Variants in RALGPS1 observed in about 807,000 individuals in gnomAD.
The protein encoded by RALGPS1 is ras-specific guanine nucleotide-releasing factor RalGPS1.
In RALGPS1, 19 loss-of-function variants were observed where a neutral mutation model predicts 78.8. The ratio of observed to expected loss-of-function variants is 0.24; its 90% CI spans 0.17 to 0.35. The LOEUF (loss-of-function observed/expected upper bound fraction) is 0.35. RALGPS1 is among the 10% of genes least tolerant of loss of function. The pLI is 1.00. For synonymous variants in RALGPS1, 228 were observed against 256.3 expected (o/e 0.89, Z 1.06); for missense variants, 454 against 688.3 (o/e 0.66, Z 3.81).
intron 5 of RALGPS1, among the ~76,000 whole-genome samples, chr9:127,035,863 T>C (rs2134716379): frequency 6.6e-6 from 1 of 152,286 alleles, no homozygotes; most frequent in Non-Finnish European, 1.5e-5. Context: ...TTTTTCTTTG[T>C]TTTGAAAAAT....
intron 14 of RALGPS1, among the ~76,000 whole-genome samples, chr9:127,200,538 C>G (rs569027086): frequency 1.2e-3 from 187 of 152,352 alleles, no homozygotes; most frequent in Middle Eastern, 0.01. Flanking sequence ...TGGCCAGATA[C>G]GGGGACTGTC....
rs748602007 is a variant in RALGPS1 at position 127,195,244 on chromosome 9, C to T, written c.1037+27C>T. 19 of 1,603,540 alleles carry T rather than the reference C, an allele frequency of 1.2e-5. No individual in the cohort carries two copies. In the Admixed American group the frequency reaches 1.3e-4, roughly 11 times the overall value. ...TGGGTGACTGAGCAAGCCCTCCCGC[C>T]GGGCTTCAGACCGTCCTGCACATGG... On this transcript the variant is annotated intron_variant, in intron 12 of 18. Transcript: ENST00000259351.
chr9:127,121,159 G>T (rs2056044285), intron 8 of RALGPS1, among the ~76,000 whole-genome samples: 1 of 152,206 alleles, frequency 6.6e-6, no homozygotes, highest in African/African-American at 2.4e-5. Context: ...TGGTCATGAG[G>T]ATTCTACAAG....
At chr9:127,037,634 C>T (rs187396623) in intron 5 of RALGPS1, among the ~76,000 whole-genome samples, 3 of 152,374 alleles carry the variant, frequency 2.0e-5, no homozygotes, top group Admixed American at 2.0e-4. Flanking sequence ...CTGCTTTCCT[C>T]TGAGCTGGTT....
At position 127,105,688 on chromosome 9, in the gene RALGPS1, C is replaced by G. The variant is rs75586617; in HGVS notation, c.610+36332C>G. Among the ~76,000 whole-genome samples, 820 of 152,266 alleles carry G rather than the reference C, an allele frequency of 5.4e-3. 26 individuals are homozygous for G. In the East Asian group the frequency reaches 0.085, roughly 16 times the overall value. On this transcript the variant is annotated intron_variant, in intron 8 of 18. Coordinates refer to ENST00000259351, the MANE Select transcript of RALGPS1 (RefSeq NM_014636.3). ...CTGATTTTAGAAATTTTGGCCTCGA[C>G]GGATACTCCCTCCCAGAGAAATCCA...
intron 1 of RALGPS1, among the ~76,000 whole-genome samples, chr9:126,935,530 C>T (rs2036176501): frequency 6.6e-6 from 1 of 152,196 alleles, no homozygotes; most frequent in Non-Finnish European, 1.5e-5. Flanking sequence ...TTCCGTCAAC[C>T]TGTTTTCACA....
At chr9:127,041,031 T>TTGTGTGTGTGTGTG (rs58541875) in intron 5 of RALGPS1, among the ~76,000 whole-genome samples, 18,370 of 135,512 alleles carry the variant, frequency 0.14, 1,628 homozygotes, top group Non-Finnish European at 0.18. Context: ...CTACAAACAT[T>TTGTGTGTGTGTGTG]TGTGTGTGTG....
intron 8 of RALGPS1, among the ~76,000 whole-genome samples, chr9:127,132,719 C>A (rs757843384): frequency 6.6e-6 from 1 of 152,234 alleles, no homozygotes; most frequent in Non-Finnish European, 1.5e-5. Flanking sequence ...TAACATGGGC[C>A]TCATTTCTCC....
intron 8 of RALGPS1, among the ~76,000 whole-genome samples, chr9:127,112,394 C>T (rs2054920158): frequency 1.3e-5 from 2 of 152,248 alleles, no homozygotes; most frequent in Non-Finnish European, 2.9e-5. Flanking sequence ...TCAGGCTGCT[C>T]ACCTGAGGCA....
In RALGPS1 at chr9:127,183,361, G is replaced by A. The variant is rs2060408608; in HGVS notation, c.910+8579G>A. 1.3e-5 allele frequency among the ~76,000 whole-genome samples: 2 copies of A among 152,140 alleles called. No individual in the cohort carries two copies. Among genetic ancestry groups the A allele is most frequent in the South Asian group, 4.1e-4 (2 of 4,824 alleles). ...CAAACCTATTTTGGGGACCCCTGCA[G>A]CCCCTTCCATGCCCCCCCGCAAAGT... On this transcript the variant is annotated intron_variant, in intron 11 of 18. Transcript: ENST00000259351. The surrounding 1 kb of genome is among the most constrained non-coding windows in gnomAD (Gnocchi z 4.0).
At chr9:126,953,401 GTA>G (rs950430234) in intron 1 of RALGPS1, among the ~76,000 whole-genome samples, 2 of 152,084 alleles carry the variant, frequency 1.3e-5, no homozygotes, top group African/African-American at 4.8e-5. Context: ...GCGCGTGTGT[GTA>G]TGTGTAAGGT....
At chr9:127,106,810 T>G (rs1255821615) in intron 8 of RALGPS1, 1 of 152,264 alleles carries the variant, frequency 6.6e-6, no homozygotes, top group Admixed American at 6.5e-5. Context: ...AGCAAGAAGC[T>G]GCTATTCCCA....
At chr9:127,196,363 TG>T in intron 12 of RALGPS1, 110 bp from the exon 13 acceptor site, 1 of 1,266,854 alleles carries the variant, frequency 7.9e-7, no homozygotes, top group Non-Finnish European at 1.1e-6. Flanking sequence ...TGGCTCTGGG[TG>T]GAGGCCTTTT....
chr9:126,950,588 G>A (rs1213337674), intron 1 of RALGPS1, among the ~76,000 whole-genome samples: 1 of 151,908 alleles, frequency 6.6e-6, no homozygotes, highest in African/African-American at 2.4e-5. Flanking sequence ...CGAAATGAAG[G>A]CAGAAATAAA....
At chr9:127,141,792 T>A (rs1457211860) in intron 8 of RALGPS1, among the ~76,000 whole-genome samples, 3 of 152,310 alleles carry the variant, frequency 2.0e-5, no homozygotes, top group South Asian at 4.1e-4. Context: ...AGTATTTTTT[T>A]AAGTATTTTT....
chr9:126,960,180 C>CTTCCT (rs2038745049), intron 1 of RALGPS1, among the ~76,000 whole-genome samples: 1 of 87,844 alleles, frequency 1.1e-5, no homozygotes, highest in Non-Finnish European at 2.3e-5. Context: ...CCCTCCCTCC[C>CTTCCT]TCCCTCCCTC....
At chr9:127,215,175 G>C (rs546679212) in intron 18 of RALGPS1, among the ~76,000 whole-genome samples, 2 of 152,324 alleles carry the variant, frequency 1.3e-5, no homozygotes, top group Non-Finnish European at 1.5e-5. Context: ...TCCCTGCCAA[G>C]AGCTGACTTC....
rs1175068681 is a variant in RALGPS1, at chr9:126,956,412, G to A, written c.-65-5813G>A. Among the ~76,000 whole-genome samples, 3 of 152,190 alleles carry A rather than the reference G, an allele frequency of 2.0e-5. No homozygotes were observed. The East Asian group carries it at 5.8e-4, about 29-fold the overall frequency. ...ATCCTGTACTTTCCTAGTATGTGAA[G>A]TATCACTTGTCTGAGAGTCGCTGCC... is the stretch of plus-strand genomic sequence containing the variant. On this transcript the variant is annotated intron_variant, in intron 1 of 18. Coordinates refer to ENST00000259351, the MANE Select transcript of RALGPS1 (RefSeq NM_014636.3).
intron 1 of RALGPS1, among the ~76,000 whole-genome samples, chr9:126,924,138 A>G (rs1254866481): frequency 6.6e-6 from 1 of 152,222 alleles, no homozygotes; most frequent in Non-Finnish European, 1.5e-5. Context: ...GAACTGGAAC[A>G]TGTCCATATG....
Sources: gnomAD v4.1 joint callset for allele counts (sites outside exome capture counted in the v4.1 genomes callset) on GRCh38, gnomAD v4.1.1 for gene constraint, Gnocchi (gnomAD v3.1) non-coding constraint, MANE v1.5 for transcripts, NCBI Gene and HGNC (gene_info 2026-07-23, HGNC 2026-07-21) for gene names.